TTLL11: variants seen among roughly 807,000 people sequenced by gnomAD.
TTLL11 encodes the protein tubulin tyrosine ligase like 11.
A neutral mutation model predicts 51.7 loss-of-function variants in TTLL11; 42 were observed. The observed-to-expected ratio is 0.81, with a 90% CI of 0.64 to 1.05. The LOEUF (loss-of-function observed/expected upper bound fraction) is 1.05, where lower values mean the gene tolerates loss of function less well. Ranked by LOEUF, TTLL11 falls within the 50% of genes least tolerant of loss-of-function variation. The pLI is 0.00. For missense variants in TTLL11, 799 were observed against 940.4 expected, an observed-to-expected ratio of 0.85 and a Z score of 1.97; for synonymous variants, 381 against 383.5, an observed-to-expected ratio of 0.99 and a Z score of 0.08.
chr9:121,951,780 A>G (rs528784264), intron 6 of TTLL11, among the ~76,000 whole-genome samples: 1 of 152,310 alleles, frequency 6.6e-6, no homozygotes, highest in African/African-American at 2.4e-5. Flanking sequence ...GTAGAGGAAT[A>G]AAAGAACGGC....
At chr9:121,877,552 C>T (rs1838612487) in intron 6 of TTLL11, among the ~76,000 whole-genome samples, 1 of 152,174 alleles carries the variant, frequency 6.6e-6, no homozygotes, top group Non-Finnish European at 1.5e-5. Flanking sequence ...AATGACCCTT[C>T]CTCCCCACAA....
In TTLL11 at chr9:121,902,589, G is replaced by C. The variant is rs557285331; in HGVS notation, c.1482-31841C>G. 5.9e-5 allele frequency among the ~76,000 whole-genome samples: 9 copies of C among 151,892 alleles called. No homozygotes were observed. The South Asian group carries it at 1.9e-3, about 32-fold the overall frequency. Reference sequence around the variant, plus strand: ...CTGTTTAGCCTGGAGTTTCTACCGAGTTGTTTTTTTTTTTAAAGGTCCTTA... The same window carrying C: ...CTGTTTAGCCTGGAGTTTCTACCGACTTGTTTTTTTTTTTAAAGGTCCTTA... On this transcript the variant is annotated intron_variant, in intron 6 of 8. Transcript: ENST00000321582.
At chr9:122,084,929 C>CGAG (rs1326534152) in intron 1 of TTLL11, among the ~76,000 whole-genome samples, 1 of 152,142 alleles carries the variant, frequency 6.6e-6, no homozygotes, top group Admixed American at 6.5e-5. Context: ...ACGGCTAAAA[C>CGAG]GAGTTTCCCG....
intron 4 of TTLL11, among the ~76,000 whole-genome samples, chr9:121,984,915 A>G (rs1842908185): frequency 6.6e-6 from 1 of 152,166 alleles, no homozygotes. Flanking sequence ...GGTACCCTCA[A>G]GAAGGCTGAC....
intron 1 of TTLL11, among the ~76,000 whole-genome samples, chr9:122,067,322 A>C (rs1358560953): frequency 6.6e-6 from 1 of 152,230 alleles, no homozygotes; most frequent in African/African-American, 2.4e-5. Flanking sequence ...CAAAAGAGGC[A>C]CTTTGTTTCT....
chr9:122,044,141 G>A (rs1434708584), intron 1 of TTLL11, among the ~76,000 whole-genome samples: 1 of 152,018 alleles, frequency 6.6e-6, no homozygotes, highest in African/African-American at 2.4e-5. Context: ...AGTTTGCTGA[G>A]AATGATGGTT....
chr9:121,921,433 A>T (rs1840539278), intron 6 of TTLL11, among the ~76,000 whole-genome samples: 1 of 152,152 alleles, frequency 6.6e-6, no homozygotes. Flanking sequence ...ACTCCCGAGA[A>T]TCATGAGATT....
chr9:122,037,879 GT>G (rs1844745834), intron 2 of TTLL11, among the ~76,000 whole-genome samples: 1 of 152,138 alleles, frequency 6.6e-6, no homozygotes, highest in African/African-American at 2.4e-5. Context: ...GCATGCTTAG[GT>G]GAAAACCCCT....
chr9:121,887,474 G>A (rs957745379), intron 6 of TTLL11, among the ~76,000 whole-genome samples: 2 of 152,210 alleles, frequency 1.3e-5, no homozygotes, highest in East Asian at 1.9e-4. Flanking sequence ...CACGTTAATC[G>A]ACTTGGGTTG....
At chr9:121,970,592 G>T (rs1842521011) in intron 6 of TTLL11, among the ~76,000 whole-genome samples, 1 of 152,036 alleles carries the variant, frequency 6.6e-6, no homozygotes, top group Admixed American at 6.5e-5. Flanking sequence ...ACAAAGATAT[G>T]AAAAAAAGCT....
chr9:122,032,570 C>G (rs931692895), intron 2 of TTLL11, among the ~76,000 whole-genome samples: 2 of 151,080 alleles, frequency 1.3e-5, no homozygotes, highest in Admixed American at 6.6e-5. Flanking sequence ...GGGGTGTGAA[C>G]CTGGGAGGCG....
At chr9:122,060,138 C>T (rs1333979015) in intron 1 of TTLL11, among the ~76,000 whole-genome samples, 2 of 152,090 alleles carry the variant, frequency 1.3e-5, no homozygotes, top group Non-Finnish European at 2.9e-5. Flanking sequence ...GTCACAGGGG[C>T]GATGTCTTAT....
chr9:121,989,131 G>A lies in TTLL11; in HGVS notation c.1269+64C>T, dbSNP rs773289972. The A allele has an allele frequency of 3.2e-6, 5 of 1,584,172 alleles. No individual in the cohort carries two copies. In the East Asian group the frequency reaches 1.1e-4, roughly 36 times the overall value. ...ACCCCGATCACTCATCCTACACGAA[G>A]CCAGAGAGCCCTCTTGAGGCCGGTC... On this transcript the variant is annotated intron_variant, in intron 4 of 8. Coordinates refer to ENST00000321582, the MANE Select transcript of TTLL11 (RefSeq NM_001139442.2). This position sits in a 1 kb window ranked among gnomAD's most constrained non-coding sequence, Gnocchi z 4.2.
chr9:121,965,672 A>C (rs958046490), intron 6 of TTLL11, among the ~76,000 whole-genome samples: 2 of 152,358 alleles, frequency 1.3e-5, no homozygotes, highest in South Asian at 4.1e-4. Flanking sequence ...TTCTTCAGGA[A>C]GAATCTATTC....
chr9:122,090,236 A>G (rs1447986618), intron 1 of TTLL11, among the ~76,000 whole-genome samples: 2 of 152,132 alleles, frequency 1.3e-5, no homozygotes, highest in Non-Finnish European at 2.9e-5. Context: ...CCTACTTTAC[A>G]GATAAGCAAA....
intron 6 of TTLL11, among the ~76,000 whole-genome samples, chr9:121,966,157 G>A (rs1196676681): frequency 6.6e-6 from 1 of 152,224 alleles, no homozygotes; most frequent in Admixed American, 6.5e-5. Flanking sequence ...CAGCAAACCT[G>A]GTTGTTAGGG....
chr9:121,851,201 A>T (rs1226826697), intron 8 of TTLL11, among the ~76,000 whole-genome samples: 1 of 152,240 alleles, frequency 6.6e-6, no homozygotes, highest in East Asian at 1.9e-4. Flanking sequence ...CAGGGGGAGC[A>T]CAGGGAATTT....
chr9:122,084,735 C>A (rs1434911323), intron 1 of TTLL11, among the ~76,000 whole-genome samples: 3 of 152,194 alleles, frequency 2.0e-5, no homozygotes, highest in African/African-American at 7.2e-5. Flanking sequence ...TTCATCCTCA[C>A]AACAACTAGC....
At chr9:121,917,617 G>A (rs1840386244) in intron 6 of TTLL11, among the ~76,000 whole-genome samples, 1 of 132,724 alleles carries the variant, frequency 7.5e-6, no homozygotes, top group Non-Finnish European at 1.6e-5. Context: ...GGGAGGGAGG[G>A]AAGGGGAGGG....
Sources: allele counts gnomAD v4.1 joint callset (sites outside exome capture counted in the v4.1 genomes callset), GRCh38; gene constraint gnomAD v4.1.1; non-coding constraint Gnocchi (gnomAD v3.1); transcripts MANE v1.5; gene names NCBI Gene and HGNC (gene_info 2026-07-23, HGNC 2026-07-21).